The following IGFL2 variants were observed in gnomAD, a reference collection of about 807,000 sequenced individuals.
IGFL2 encodes IGF like family member 2, also known as insulin growth factor-like family member 2.
Under a neutral mutation model 13.9 loss-of-function variants are expected in IGFL2, and 7 were observed. That is an observed-to-expected ratio of 0.51 (90% CI 0.29 to 0.95). IGFL2 has a LOEUF of 0.95. Ranked by LOEUF, IGFL2 falls within the 40% of genes least tolerant of loss-of-function variation. IGFL2 has a pLI of 0.08. For synonymous variants in IGFL2, 55 were observed against 55.8 expected (o/e 0.99, Z 0.07); for missense variants, 138 against 147.8 (o/e 0.93, Z 0.34).
At chr19:46,129,304 CTT>C in the IGFL2 span, among the ~76,000 whole-genome samples, 339 of 118,418 alleles carry the variant, frequency 2.9e-3, no homozygotes, top group African/African-American at 8.6e-3. Context: ...ATTTGTTGAT[CTT>C]TTGTGTGTGT....
chr19:46,194,872 T>A, the IGFL2 span, among the ~76,000 whole-genome samples: 1 of 128,498 alleles, frequency 7.8e-6, no homozygotes, highest in East Asian at 2.2e-4. Flanking sequence ...TTTTTTTTTT[T>A]TTTTTTTTGG....
the IGFL2 span, among the ~76,000 whole-genome samples, chr19:46,177,493 A>G: frequency 1.0e-3 from 155 of 152,286 alleles, 4 homozygotes; most frequent in Admixed American, 7.8e-3. Context: ...TACGCATTAT[A>G]TATAAAATAC....
chr19:46,087,027 A>G, the IGFL2 span, among the ~76,000 whole-genome samples: 1 of 152,184 alleles, frequency 6.6e-6, no homozygotes, highest in Non-Finnish European at 1.5e-5. Context: ...AGTGGGCTGA[A>G]TGTGCCTGTC....
At chr19:46,081,230 A>G in the IGFL2 span, among the ~76,000 whole-genome samples, 1 of 152,244 alleles carries the variant, frequency 6.6e-6, no homozygotes, top group African/African-American at 2.4e-5. Context: ...AGTGTTCATT[A>G]TCGTGATTGC....
the IGFL2 span, among the ~76,000 whole-genome samples, chr19:46,094,033 G>GA: frequency 6.5e-5 from 7 of 106,910 alleles, no homozygotes; most frequent in East Asian, 1.0e-3. Context: ...AGCCTTGGAG[G>GA]ATTTTTTTTT....
At chr19:46,148,611 C>A (rs1029437014) in intron 1 of IGFL2, among the ~76,000 whole-genome samples, 1 of 152,110 alleles carries the variant, frequency 6.6e-6, no homozygotes, top group Admixed American at 6.5e-5. Flanking sequence ...ATCTTGTGCC[C>A]CATGATCATG....
chr19:46,135,485 G>A, the IGFL2 span, among the ~76,000 whole-genome samples: 1 of 152,116 alleles, frequency 6.6e-6, no homozygotes. Context: ...CCCCTTTAGT[G>A]TAGGGGAGAG....
the IGFL2 span, among the ~76,000 whole-genome samples, chr19:46,130,709 T>G: frequency 1.3e-5 from 2 of 152,196 alleles, no homozygotes; most frequent in African/African-American, 4.8e-5. Flanking sequence ...TTCCCAGTAT[T>G]TCTCATTATT....
chr19:46,182,841 T>C, the IGFL2 span, among the ~76,000 whole-genome samples: 3 of 152,126 alleles, frequency 2.0e-5, no homozygotes, highest in Non-Finnish European at 2.9e-5. Context: ...CTCTGTCTTG[T>C]GGTTTCTCCC....
At chr19:46,114,182 G>GT in the IGFL2 span, among the ~76,000 whole-genome samples, 1 of 152,142 alleles carries the variant, frequency 6.6e-6, no homozygotes, top group Admixed American at 6.5e-5. Flanking sequence ...TTTTGTTCCT[G>GT]TTTCTAACTT....
the IGFL2 span, among the ~76,000 whole-genome samples, chr19:46,166,641 A>G: frequency 6.6e-6 from 1 of 152,106 alleles, no homozygotes; most frequent in Admixed American, 6.5e-5. Flanking sequence ...AGTTTATTTC[A>G]TCTCTGCAAT....
Position 46,158,517 on chromosome 19 carries a change from A to G in IGFL2, c.20-1898A>G, listed in dbSNP as rs562324268. On this transcript the variant is annotated intron_variant, in intron 1 of 3. Transcript: ENST00000377693. ...AGCCACCACGCCCGGCCTGATTGCA[A>G]TTTCTATCAAAATCCCAGCAAGATT... is the stretch of plus-strand genomic sequence containing the variant. Among the ~76,000 whole-genome samples the G allele has an allele frequency of 2.2e-3, 218 of 98,326 alleles. 1 individual carries two copies. Among genetic ancestry groups the G allele is most frequent in the African/African-American group, 7.8e-3 (193 of 24,650 alleles). The allele number at this position is 98,326 out of a possible 152,430, so 64.5% of individuals were successfully genotyped here.
At chr19:46,186,208 G>A in the IGFL2 span, among the ~76,000 whole-genome samples, 3 of 152,144 alleles carry the variant, frequency 2.0e-5, no homozygotes, top group Non-Finnish European at 2.9e-5. Context: ...AAGAAACTCC[G>A]TCCAAGGGGC....
chr19:46,140,024 A>C (rs1972787955), upstream of IGFL2, among the ~76,000 whole-genome samples: 2 of 152,110 alleles, frequency 1.3e-5, no homozygotes, highest in Admixed American at 6.5e-5. Context: ...ATCTCAGCTC[A>C]TTGCAACCTC....
chr19:46,137,256 C>A, the IGFL2 span: 1 of 1,350,634 alleles, frequency 7.4e-7, no homozygotes, highest in South Asian at 1.2e-5. Flanking sequence ...GGATCTTTGC[C>A]ATCCTTTCTC....
chr19:46,101,866 G>GCA, the IGFL2 span, among the ~76,000 whole-genome samples: 2,016 of 152,342 alleles, frequency 0.013, 29 homozygotes, highest in Middle Eastern at 0.027. Flanking sequence ...CATGAAAAAA[G>GCA]CAGTTTCCAA....
At chr19:46,125,087 GCTT>G in the IGFL2 span, among the ~76,000 whole-genome samples, 1 of 152,112 alleles carries the variant, frequency 6.6e-6, no homozygotes, top group Non-Finnish European at 1.5e-5. Flanking sequence ...CCTAATACTT[GCTT>G]CTTCTATATT....
intron 1 of IGFL2, among the ~76,000 whole-genome samples, chr19:46,154,740 C>T (rs557989924): frequency 5.3e-5 from 8 of 152,264 alleles, no homozygotes; most frequent in African/African-American, 1.9e-4. Flanking sequence ...TGAGCCACTG[C>T]GCCCAGCTGG....
chr19:46,132,904 GAT>G, the IGFL2 span, among the ~76,000 whole-genome samples: 72 of 152,240 alleles, frequency 4.7e-4, no homozygotes, highest in African/African-American at 1.6e-3. Context: ...GTCCCTCACA[GAT>G]ATCTGTTCAC....
Sources: allele counts gnomAD v4.1 joint callset (sites outside exome capture counted in the v4.1 genomes callset), GRCh38; gene constraint gnomAD v4.1.1; transcripts MANE v1.5; gene names NCBI Gene and HGNC (gene_info 2026-07-23, HGNC 2026-07-21).